Variants in PTPRH observed in about 807,000 individuals in gnomAD.
PTPRH encodes the protein receptor-type tyrosine-protein phosphatase H.
PTPRH carries 113 observed loss-of-function variants against 130.2 expected under a neutral mutation model. The ratio of observed to expected loss-of-function variants is 0.87; its 90% CI spans 0.75 to 1.01. The LOEUF is 1.01. Ranked by LOEUF, PTPRH falls within the 50% of genes least tolerant of loss-of-function variation. The probability of loss-of-function intolerance (pLI) is 0.00; values close to 1 mark genes in which losing one functional copy is unlikely to be tolerated. For synonymous variants in PTPRH, 556 were observed against 577.9 expected, an observed-to-expected ratio of 0.96 and a Z score of 0.54; for missense variants, 1,430 against 1,425.0, an observed-to-expected ratio of 1.00 and a Z score of -0.06.
At chr19:55,186,436 A>T (rs1187139170) in intron 15 of PTPRH, 28 bp downstream of exon 15, 3 of 1,613,880 alleles carry the variant, frequency 1.9e-6, no homozygotes, top group Non-Finnish European at 2.5e-6. Flanking sequence ...CGTGCTGGGC[A>T]CCCTTTCAAT....
At position 55,206,594 on chromosome 19, in the gene PTPRH, C is replaced by A. The variant is rs552957263; in HGVS notation, c.352+95G>T. 69 of 1,294,122 alleles carry A rather than the reference C, an allele frequency of 5.3e-5. No homozygotes were observed. The East Asian group carries it at 1.7e-3, about 31-fold the overall frequency. 80.2% of individuals were successfully genotyped at this position (1,294,122 alleles called of 1,614,324 possible). ...GTGTGGCTTCCACTGTGTTTCTATC[C>A]AACTAAAGAACCTGTCGCATTTTGT... On this transcript the variant is annotated intron_variant, in intron 3 of 19. Transcript: ENST00000376350.
chr19:55,184,971 C>T (rs1392760051), intron 18 of PTPRH, among the ~76,000 whole-genome samples: 1 of 151,778 alleles, frequency 6.6e-6, no homozygotes, highest in Admixed American at 6.6e-5. Flanking sequence ...CTGCATTCAA[C>T]CTTCTCTGCC....
chr19:55,186,557 G>C lies in PTPRH; in HGVS notation c.2567-17C>G, dbSNP rs891551751. 6 of 1,269,310 alleles carry C rather than the reference G, an allele frequency of 4.7e-6. No individual in the cohort carries two copies. Among genetic ancestry groups the C allele is most frequent in the Non-Finnish European group, 5.0e-6 (5 of 994,074 alleles). 78.6% of individuals were successfully genotyped at this position (1,269,310 alleles called of 1,614,324 possible). A position where few individuals can be genotyped will look rare whatever the true frequency, so the allele number is the denominator to read the frequency against. ...ACCAGTCATCTAGGAGAAGAGGCCA[G>C]CATTAGCCAGGCAGAGAGACCCAGA... On this transcript the variant is annotated splice_polypyrimidine_tract_variant and intron_variant, in intron 14 of 19. Coordinates refer to ENST00000376350, the MANE Select transcript of PTPRH (RefSeq NM_002842.5).
At chr19:55,196,436 A>T in intron 10 of PTPRH, 86 bp downstream of exon 10, 1 of 1,406,156 alleles carries the variant, frequency 7.1e-7, no homozygotes, top group Non-Finnish European at 9.6e-7. Context: ...GAAACAAAAG[A>T]GTCCCACTGA....
At chr19:55,193,318 C>G (rs932641292) in intron 10 of PTPRH, among the ~76,000 whole-genome samples, 1 of 151,614 alleles carries the variant, frequency 6.6e-6, no homozygotes, top group Non-Finnish European at 1.5e-5. Context: ...GTAGTCCCAG[C>G]TACTCAGGGG....
In PTPRH at chr19:55,198,898, T is replaced by A; in HGVS notation, c.1435A>T (p.Thr479Ser). Residue 479 changes from threonine (T) to serine (S), a missense_variant, in exon 8 of 20, where the codon ACA becomes TCA. Physicochemically the swap from Thr to Ser is moderately conservative, Grantham distance 58. Coordinates refer to ENST00000376350, the MANE Select transcript of PTPRH (RefSeq NM_002842.5). ...GTCCAGTCCTGCTTGCTGAGGCTTG[T>A]CACTGCGTTGGGGACTGGGAGAGGG... ...VSISTVPNAVTSLSKQDWTNS... is the reference protein window; with the variant it reads ...VSISTVPNAVSSLSKQDWTNS... 1 of 1,520,926 alleles carries A rather than the reference T, an allele frequency of 6.6e-7. No individual in the cohort carries two copies. Among genetic ancestry groups the A allele is most frequent in the Non-Finnish European group, 8.8e-7 (1 of 1,131,542 alleles). The allele number at this position is 1,520,926 out of a possible 1,614,324, so 94.2% of individuals were successfully genotyped here.
rs543450987 is a variant in PTPRH, at chr19:55,205,350, G to C, written c.595C>G (p.Arg199Gly). ...WVGKNGINSS[R>G]ETRNATTAHN... ...CCTGTGGTGGCATTTCGAGTCTCCC[G>C]GGAGCTGTTGATTCCATTCTTTCCC... The change falls in exon 4 of 20, where the codon CGG becomes GGG. Residue 199 changes from arginine to glycine, a missense_variant. By Grantham distance (125) the Arg-to-Gly change is moderately radical. Transcript: ENST00000376350. The C allele has an allele frequency of 8.1e-6, 13 of 1,613,732 alleles. No homozygotes were observed. The highest frequency in any genetic ancestry group is 1.7e-4 in the Middle Eastern group (1 of 6,060).
At chr19:55,188,015 T>TGGG in intron 13 of PTPRH, 63 bp downstream of exon 13, 1 of 962,008 alleles carries the variant, frequency 1.0e-6, no homozygotes, top group Non-Finnish European at 1.5e-6. Flanking sequence ...GGCCAGGGGG[T>TGGG]GGGGGGTGGG....
At chr19:55,189,970 G>A (rs1440193246) in intron 12 of PTPRH, among the ~76,000 whole-genome samples, 1 of 151,916 alleles carries the variant, frequency 6.6e-6, no homozygotes, top group East Asian at 1.9e-4. Flanking sequence ...CTCCAGCCTG[G>A]GCCACAGAGT....
chr19:55,187,266 A>T (rs1192751769), intron 14 of PTPRH, among the ~76,000 whole-genome samples: 2 of 133,114 alleles, frequency 1.5e-5, no homozygotes, highest in African/African-American at 6.1e-5. Context: ...AATGGCGTGA[A>T]CCCGGGAGGC....
At chr19:55,204,088 A>G (rs2086965636) in intron 4 of PTPRH, 40 bp from the exon 5 acceptor site, 1 of 1,545,150 alleles carries the variant, frequency 6.5e-7, no homozygotes, top group African/African-American at 1.4e-5. Context: ...GAGCAGGACT[A>G]CAGAACATAA....
intron 9 of PTPRH, 120 bp downstream of exon 9, chr19:55,196,997 T>G: frequency 1.5e-6 from 2 of 1,331,702 alleles, no homozygotes; most frequent in Non-Finnish European, 2.1e-6. Context: ...CCTCCATCAC[T>G]GCAGCTCATG....
chr19:55,203,062 C>T (rs956236629), intron 5 of PTPRH, among the ~76,000 whole-genome samples: 1 of 151,030 alleles, frequency 6.6e-6, no homozygotes, highest in East Asian at 2.0e-4. Flanking sequence ...GGCACGGTGG[C>T]TCACGCCTGT....
chr19:55,188,862 G>A (rs11880446), intron 12 of PTPRH, among the ~76,000 whole-genome samples: 4,350 of 152,270 alleles, frequency 0.029, 200 homozygotes, highest in African/African-American at 0.099. Context: ...TCCTGGGCAG[G>A]CCCCTCCTCC....
rs575254009 is a variant in PTPRH, at chr19:55,192,752, C to T, written c.2258-1011G>A. ...ATTTTTAGTAGAGTTGGGGTTTCAC[C>T]GTGTTAGCCAGGGTGGTCCTGATCT... is the stretch of plus-strand genomic sequence containing the variant. On this transcript the variant is annotated intron_variant, in intron 10 of 19. Coordinates refer to ENST00000376350, the MANE Select transcript of PTPRH (RefSeq NM_002842.5). Among the ~76,000 whole-genome samples, 6 of 151,574 alleles carry T rather than the reference C, an allele frequency of 4.0e-5. No homozygotes were observed. In the East Asian group the frequency reaches 6.1e-4, roughly 15 times the overall value.
At position 55,196,587 on chromosome 19, in the gene PTPRH, A is replaced by G; in HGVS notation, c.2192T>C (p.Ile731Thr). The G allele has an allele frequency of 6.2e-7, 1 of 1,613,738 alleles. No individual in the cohort carries two copies. The highest frequency in any genetic ancestry group is 1.1e-5 in the South Asian group (1 of 91,030). Reference sequence around the variant, plus strand: ...CTTCATTCCGTCCCAGATGGTCGTGATGGTGGCTGGGTAGGACCGAGCCGG... The same window carrying G: ...CTTCATTCCGTCCCAGATGGTCGTGGTGGTGGCTGGGTAGGACCGAGCCGG... Reference protein sequence around the residue: ...LGPARSYPATITTIWDGMKVV... With the variant: ...LGPARSYPATTTTIWDGMKVV... The change falls in exon 10 of 20, where the codon ATC becomes ACC. Residue 731 changes from isoleucine to threonine, a missense_variant. Transcript: ENST00000376350.
intron 13 of PTPRH, 110 bp downstream of exon 13, chr19:55,187,968 A>G: frequency 2.8e-6 from 2 of 721,298 alleles, no homozygotes; most frequent in South Asian, 3.0e-5. Context: ...GACATATGTG[A>G]TGCTACTTTT....
At chr19:55,196,479 G>A (rs1270290031) in intron 10 of PTPRH, 43 bp downstream of exon 10, 10 of 1,582,020 alleles carry the variant, frequency 6.3e-6, no homozygotes, top group Admixed American at 1.7e-5. Flanking sequence ...GGGGTCTACC[G>A]AGAATTTCAT....
chr19:55,186,421 C>T, intron 15 of PTPRH, 43 bp downstream of exon 15: 1 of 1,613,844 alleles, frequency 6.2e-7, no homozygotes, highest in Non-Finnish European at 8.5e-7. Flanking sequence ...TCTTATCTCT[C>T]CAGGCGTGCT....
Sources: allele counts gnomAD v4.1 joint callset (sites outside exome capture counted in the v4.1 genomes callset), GRCh38; gene constraint gnomAD v4.1.1; transcripts MANE v1.5; gene names NCBI Gene and HGNC (gene_info 2026-07-23, HGNC 2026-07-21).